The following DCBLD1 variants were observed in gnomAD, a reference collection of about 807,000 sequenced individuals.
DCBLD1 encodes discoidin, CUB and LCCL domain-containing protein 1.
Under a neutral mutation model 71.5 loss-of-function variants are expected in DCBLD1, and 57 were observed. That is an observed-to-expected ratio of 0.80 (90% CI 0.64 to 0.99). DCBLD1 has a LOEUF of 0.99. Ranked by LOEUF, DCBLD1 falls within the 50% of genes least tolerant of loss-of-function variation. DCBLD1 has a pLI of 0.00. For missense variants in DCBLD1, 891 were observed against 923.5 expected, an observed-to-expected ratio of 0.96 and a Z score of 0.46; for synonymous variants, 380 against 363.8, an observed-to-expected ratio of 1.04 and a Z score of -0.51.
intron 14 of DCBLD1, chr6:117,562,969 T>C (rs1369782677): frequency 8.8e-6 from 3 of 339,322 alleles, no homozygotes; most frequent in Non-Finnish European, 1.6e-5. Flanking sequence ...AGGGTTTCAT[T>C]TGGTACTTAA....
intron 4 of DCBLD1, among the ~76,000 whole-genome samples, chr6:117,522,510 T>G (rs1778418396): frequency 6.6e-6 from 1 of 151,944 alleles, no homozygotes; most frequent in African/African-American, 2.4e-5. Context: ...GGTATAATTA[T>G]AGCTCACTAC....
chr6:117,532,110 A>AG lies in DCBLD1; in HGVS notation c.586-147dup, dbSNP rs1186814861. On this transcript the variant is annotated intron_variant, in intron 5 of 14. Transcript: ENST00000338728. ...CAAGTCACATGGTCCAGAGTCAGTG[A>AG]GGGAGGTGACAACTCCAGGGCATGG... The AG allele has an allele frequency of 5.6e-6, 6 of 1,078,662 alleles. No individual in the cohort carries two copies. The East Asian group carries it at 1.6e-4, about 28-fold the overall frequency. 66.8% of individuals were successfully genotyped at this position (1,078,662 alleles called of 1,614,324 possible). A position where few individuals can be genotyped will look rare whatever the true frequency, so the allele number is the denominator to read the frequency against.
At chr6:117,497,688 GAGAACT>G (rs1412028057) in intron 1 of DCBLD1, among the ~76,000 whole-genome samples, 2 of 152,150 alleles carry the variant, frequency 1.3e-5, no homozygotes, top group Non-Finnish European at 2.9e-5. Context: ...TTCTTGAAGT[GAGAACT>G]ACAGTATACT....
chr6:117,505,421 G>A (rs146305366), intron 2 of DCBLD1, among the ~76,000 whole-genome samples: 11 of 152,250 alleles, frequency 7.2e-5, no homozygotes, highest in East Asian at 1.9e-4. Context: ...CTGCAGGGCC[G>A]GAAGCAGCTT....
At chr6:117,524,728 A>G (rs1778493154) in intron 4 of DCBLD1, among the ~76,000 whole-genome samples, 1 of 152,182 alleles carries the variant, frequency 6.6e-6, no homozygotes, top group Admixed American at 6.5e-5. Context: ...ATTTCTGTTT[A>G]TTACATTTAG....
chr6:117,551,275 GGTT>G (rs1174706553), downstream of DCBLD1, among the ~76,000 whole-genome samples: 3 of 151,244 alleles, frequency 2.0e-5, no homozygotes, highest in Non-Finnish European at 4.4e-5. Context: ...CCTTTTTTTT[GGTT>G]GTTTTCTTTA....
At chr6:117,551,364 CATTTATTT>C (rs66551810), downstream of DCBLD1, among the ~76,000 whole-genome samples, 5 of 148,146 alleles carry the variant, frequency 3.4e-5, no homozygotes, top group East Asian at 2.0e-4. Context: ...TGAGTATTTC[CATTTATTT>C]ATTTATTTAT....
intron 1 of DCBLD1, among the ~76,000 whole-genome samples, chr6:117,502,138 A>G (rs767612409): frequency 6.6e-6 from 1 of 152,172 alleles, no homozygotes. Context: ...TTGTCCAGCC[A>G]GGTTGATCAT....
At chr6:117,527,423 A>G (rs995419208) in intron 5 of DCBLD1, among the ~76,000 whole-genome samples, 4 of 152,326 alleles carry the variant, frequency 2.6e-5, no homozygotes, top group Non-Finnish European at 4.4e-5. Flanking sequence ...AAACCAAAGC[A>G]TATCCTATAG....
intron 1 of DCBLD1, among the ~76,000 whole-genome samples, chr6:117,501,815 C>T (rs1343041817): frequency 1.3e-5 from 2 of 152,154 alleles, no homozygotes; most frequent in East Asian, 1.9e-4. Flanking sequence ...TGCCAGGGAG[C>T]CCAAGGAATT....
intron 14 of DCBLD1, chr6:117,566,874 C>A: frequency 1.3e-6 from 2 of 1,578,496 alleles, no homozygotes; most frequent in Non-Finnish European, 1.7e-6. Flanking sequence ...TTTGATTTCC[C>A]CACTTGTGTC....
chr6:117,545,706 A>G (rs1779246295), intron 14 of DCBLD1, 109 bp downstream of exon 14: 1 of 1,438,220 alleles, frequency 7.0e-7, no homozygotes, highest in Non-Finnish European at 9.3e-7. Context: ...GATAGGGTCC[A>G]GTAAATCTGA....
At chr6:117,524,913 G>A (rs1256864632) in intron 4 of DCBLD1, among the ~76,000 whole-genome samples, 1 of 152,060 alleles carries the variant, frequency 6.6e-6, no homozygotes, top group Non-Finnish European at 1.5e-5. Context: ...TGTATAACAC[G>A]GAAAGTGAAA....
At chr6:117,487,977 G>A (rs1777148399) in intron 1 of DCBLD1, among the ~76,000 whole-genome samples, 1 of 152,208 alleles carries the variant, frequency 6.6e-6, no homozygotes, top group South Asian at 2.1e-4. Context: ...CGCATGTGAT[G>A]ACTTCTTACC....
At chr6:117,529,061 C>T (rs1045471688) in intron 5 of DCBLD1, among the ~76,000 whole-genome samples, 3 of 152,122 alleles carry the variant, frequency 2.0e-5, no homozygotes, top group African/African-American at 7.2e-5. Flanking sequence ...AGGATGGTCT[C>T]GACCTCCTGA....
At chr6:117,557,549 G>A (rs890703611) in intron 14 of DCBLD1, among the ~76,000 whole-genome samples, 3 of 152,096 alleles carry the variant, frequency 2.0e-5, no homozygotes, top group African/African-American at 7.2e-5. Context: ...GATCACCTGA[G>A]GTCAGAAAGT....
intron 14 of DCBLD1, chr6:117,561,257 T>C (rs1471202816): frequency 4.5e-6 from 1 of 223,374 alleles, no homozygotes; most frequent in Admixed American, 5.7e-5. Flanking sequence ...AAATTCCAAC[T>C]TGAAGTTTTA....
At chr6:117,540,438 C>T in intron 9 of DCBLD1, 2 of 490,960 alleles carry the variant, frequency 4.1e-6, no homozygotes, top group South Asian at 5.7e-5. Flanking sequence ...ATTTTAGCTT[C>T]TTTATCCAAA....
chr6:117,507,336 AATATGCACTTG>A (rs1201030201), intron 2 of DCBLD1, among the ~76,000 whole-genome samples: 3 of 152,226 alleles, frequency 2.0e-5, no homozygotes, highest in Admixed American at 6.5e-5. Context: ...AATCCAGCAA[AATATGCACTTG>A]ATCTCACTGT....
Sources: allele counts gnomAD v4.1 joint callset (sites outside exome capture counted in the v4.1 genomes callset), GRCh38; gene constraint gnomAD v4.1.1; transcripts MANE v1.5; gene names NCBI Gene and HGNC (gene_info 2026-07-23, HGNC 2026-07-21).